SLC25A39: variants seen among roughly 807,000 people sequenced by gnomAD.
SLC25A39 encodes the protein solute carrier family 25 member 39.
SLC25A39 carries 44 observed loss-of-function variants against 46.6 expected under a neutral mutation model. The ratio of observed to expected loss-of-function variants is 0.94; its 90% CI spans 0.74 to 1.21. The LOEUF (loss-of-function observed/expected upper bound fraction) is 1.21. Among genes scored for constraint, SLC25A39 ranks in the 50% most tolerant of loss-of-function variants. SLC25A39 has a pLI of 0.00. For missense variants in SLC25A39, 487 were observed against 473.0 expected (o/e 1.03, Z -0.28); for synonymous variants, 218 against 190.6 (o/e 1.14, Z -1.19).
chr17:44,323,156 C>A (rs1032359405), intron 3 of SLC25A39, 128 bp downstream of exon 3: 7 of 1,150,584 alleles, frequency 6.1e-6, no homozygotes, highest in Non-Finnish European at 8.9e-6. Flanking sequence ...CTCCTGATCT[C>A]AGGTGATCCA....
In SLC25A39 at chr17:44,321,442, A is replaced by G. The variant is rs1362223551; in HGVS notation, c.509T>C (p.Leu170Pro). The G allele has an allele frequency of 6.2e-7, 1 of 1,613,156 alleles. No individual in the cohort carries two copies. Among genetic ancestry groups the G allele is most frequent in the South Asian group, 1.1e-5 (1 of 91,032 alleles). Residue 170 changes from leucine to proline, a missense_variant, in exon 7 of 12, where the codon CTG (leucine) becomes CCG (proline). Physicochemically the swap from Leu to Pro is moderately conservative, Grantham distance 98. Transcript: ENST00000377095. ...DLYAPMVAGA[L>P]ARLGTVTVIS... is the part of the protein sequence containing the mutation. ...CCCAAGACTATGCTCACGGCGGGCCAGCGCGCCAGCCACCATGGGTGCGTA... is the reference window on the plus strand; with the variant it reads ...CCCAAGACTATGCTCACGGCGGGCCGGCGCGCCAGCCACCATGGGTGCGTA...
At chr17:44,320,513 CTGGGAGGGACAAAGGCCTCA>C in intron 9 of SLC25A39, 77 bp from the exon 10 acceptor site, 1 of 1,594,636 alleles carries the variant, frequency 6.3e-7, no homozygotes, top group Non-Finnish European at 8.6e-7. Flanking sequence ...GCTCTTGCGG[CTGGGAGGGACAAAGGCCTCA>C]TGGGGTCTGC....
chr17:44,324,119 G>A (rs1246039646), intron 1 of SLC25A39: 2 of 159,808 alleles, frequency 1.3e-5, no homozygotes, highest in East Asian at 1.9e-4. Context: ...AAGGAAGCTA[G>A]GGTGCCAGAC....
At chr17:44,323,438 CATCCCCA>C in intron 2 of SLC25A39, 33 bp downstream of exon 2, 6 of 1,257,666 alleles carry the variant, frequency 4.8e-6, no homozygotes, top group Non-Finnish European at 6.6e-6. Context: ...CGGTCTGCCC[CATCCCCA>C]CCCGCCCCCA....
Position 44,322,839 on chromosome 17 carries a change from G to C in SLC25A39, c.159C>G (p.Ser53=), listed in dbSNP as rs746767242. Reference sequence around the variant, plus strand: ...TATAGGAGAGGCTCCACAGTCTGGAGGAAGGCATCAGCTCTAAAATACAAG... The same window carrying C: ...TATAGGAGAGGCTCCACAGTCTGGACGAAGGCATCAGCTCTAAAATACAAG... ...RPSMASELMP[S]SRLWSLSYTK... Residue 53 remains serine (S), a synonymous_variant, in exon 4 of 12, where the codon TCC becomes TCG. Coordinates refer to ENST00000377095, the MANE Select transcript of SLC25A39 (RefSeq NM_001143780.3). The C allele has an allele frequency of 1.9e-6, 3 of 1,613,942 alleles. No homozygotes were observed. In the African/African-American group the frequency reaches 4.0e-5, roughly 22 times the overall value.
rs922105374 is a variant in SLC25A39 at position 44,320,072 on chromosome 17, T to C, written c.1009A>G (p.Met337Val). 5.0e-6 allele frequency: 8 copies of C among 1,613,964 alleles called. No homozygotes were observed. The South Asian group carries it at 6.6e-5, about 13-fold the overall frequency. The part of the protein sequence containing the change: ...IIKAAPSCAI[M>V]ISTYEFGKSF... ...TTGCCGAACTCATAGGTGCTGATCA[T>C]GATGGCACAGGAGGGGGCAGCCTTG... Residue 337 changes from methionine (M) to valine (V), a missense_variant, in exon 12 of 12, where the codon ATG becomes GTG. Coordinates refer to ENST00000377095, the MANE Select transcript of SLC25A39 (RefSeq NM_001143780.3).
intron 5 of SLC25A39, among the ~76,000 whole-genome samples, 183 bp downstream of exon 5, chr17:44,322,236 G>A (rs1030684431): frequency 3.3e-5 from 5 of 152,098 alleles, no homozygotes; most frequent in African/African-American, 4.8e-5. Context: ...GTGACAGAGC[G>A]AGACTCTGTC....
chr17:44,323,368 G>C, intron 2 of SLC25A39, 25 bp from the exon 3 acceptor site: 1 of 1,605,510 alleles, frequency 6.2e-7, no homozygotes, highest in Non-Finnish European at 8.5e-7. Flanking sequence ...GGGTCTGAAG[G>C]CTCCTTTCAG....
rs1385488972 is a variant in SLC25A39 at position 44,321,777 on chromosome 17, C to G, written c.325-10G>C. ...TCTTCACGAAGGCATCCTGGCCAAGCAGGCACCAGCCCAGGGGAAGAGGAG... is the reference window on the plus strand; with the variant it reads ...TCTTCACGAAGGCATCCTGGCCAAGGAGGCACCAGCCCAGGGGAAGAGGAG... On this transcript the variant is annotated splice_polypyrimidine_tract_variant and intron_variant, in intron 5 of 11. Transcript: ENST00000377095. 6.2e-7 allele frequency: 1 copy of G among 1,609,252 alleles called. No individual in the cohort carries two copies. The highest frequency in any genetic ancestry group is 1.1e-5 in the South Asian group (1 of 90,630).
At position 44,319,811 on chromosome 17, in the gene SLC25A39, C is replaced by T; in HGVS notation, c.*190G>A. 1 of 586,710 alleles carries T rather than the reference C, an allele frequency of 1.7e-6. No individual in the cohort carries two copies. The highest frequency in any genetic ancestry group is 2.0e-5 in the South Asian group (1 of 50,352). 36.3% of individuals were successfully genotyped at this position (586,710 alleles called of 1,614,324 possible). A position where few individuals can be genotyped will look rare whatever the true frequency, so the allele number is the denominator to read the frequency against. On this transcript the variant is annotated 3_prime_UTR_variant, in exon 12 of 12. Coordinates refer to ENST00000377095, the MANE Select transcript of SLC25A39 (RefSeq NM_001143780.3). ...TAAGTGATGATCCCCACGACTGGAG[C>T]AGCAGGAAGAAGTTGTGTCTGAGGA...
Position 44,319,669 on chromosome 17 carries a change from G to T in SLC25A39, c.*332C>A. The T allele has an allele frequency of 2.8e-6, 1 of 351,070 alleles. No individual in the cohort carries two copies. Among genetic ancestry groups the T allele is most frequent in the Non-Finnish European group, 5.5e-6 (1 of 183,036 alleles). 21.7% of individuals were successfully genotyped at this position (351,070 alleles called of 1,614,324 possible). On this transcript the variant is annotated 3_prime_UTR_variant, in exon 12 of 12. Coordinates refer to ENST00000377095, the MANE Select transcript of SLC25A39 (RefSeq NM_001143780.3). ...AGACTTAAGGAATTAACAAGGGTCA[G>T]GGAGACTACACCAGGCTGAGGGCTT...
chr17:44,320,150 G>A, intron 11 of SLC25A39, 34 bp from the exon 12 acceptor site: 1 of 1,613,892 alleles, frequency 6.2e-7, no homozygotes, highest in Middle Eastern at 1.6e-4. Flanking sequence ...TCAGGGGTCA[G>A]GTCGCAGGTC....
intron 5 of SLC25A39, 113 bp downstream of exon 5, chr17:44,322,306 A>T (rs1215528887): frequency 3.4e-6 from 4 of 1,192,690 alleles, no homozygotes; most frequent in African/African-American, 1.5e-5. Context: ...TCCTGACGGA[A>T]CCGGCTACCT....
In SLC25A39 at chr17:44,320,131, A is replaced by G; in HGVS notation, c.965-15T>C. The stretch of plus-strand genomic sequence containing the variant: ...AGGAAGGAAGCCTGCAGTGGAAAGG[A>G]GGCCCGTGTCAGGGGTCAGGTCGCA... On this transcript the variant is annotated splice_polypyrimidine_tract_variant and intron_variant, in intron 11 of 11. Transcript: ENST00000377095. 6.2e-7 allele frequency: 1 copy of G among 1,613,958 alleles called. No individual in the cohort carries two copies. Among genetic ancestry groups the G allele is most frequent in the Non-Finnish European group, 8.5e-7 (1 of 1,179,962 alleles).
chr17:44,322,280 C>T, intron 5 of SLC25A39, 139 bp downstream of exon 5: 3 of 870,730 alleles, frequency 3.4e-6, no homozygotes, highest in Non-Finnish European at 5.4e-6. Context: ...GAGGTACTGC[C>T]TTCTCCGGAA....
At chr17:44,323,067 C>T (rs1037790551) in intron 3 of SLC25A39, among the ~76,000 whole-genome samples, 2 of 152,132 alleles carry the variant, frequency 1.3e-5, no homozygotes, top group Admixed American at 6.5e-5. Context: ...GGACTACAGG[C>T]GCATGCCACC....
intron 2 of SLC25A39, 39 bp downstream of exon 2, chr17:44,323,439 A>ACACCC: frequency 3.9e-6 from 1 of 257,112 alleles, no homozygotes; most frequent in Non-Finnish European, 5.7e-6. Flanking sequence ...GGTCTGCCCC[A>ACACCC]TCCCCACCCG....
At position 44,321,490 on chromosome 17, in the gene SLC25A39, C is replaced by T; in HGVS notation, c.461G>A (p.Gly154Asp). ...AYDQLKAFLC[G>D]RALTSDLYAP... ...GTAGAGGTCAGAGGTCAGGGCTCGA[C>T]CACACAGGAAGGCCTTCAGTTGGTC... The change falls in exon 7 of 12, where the codon GGT (glycine) becomes GAT (aspartate). Residue 154 changes from glycine to aspartate, a missense_variant. Physicochemically the swap from Gly to Asp is moderately conservative, Grantham distance 94. Transcript: ENST00000377095. 1.2e-6 allele frequency: 2 copies of T among 1,614,076 alleles called. No homozygotes were observed. Among genetic ancestry groups the T allele is most frequent in the Non-Finnish European group, 1.7e-6 (2 of 1,180,010 alleles).
intron 2 of SLC25A39, 39 bp downstream of exon 2, chr17:44,323,439 A>AGACCCCCCCCCCC: frequency 1.2e-5 from 3 of 257,108 alleles, no homozygotes; most frequent in Non-Finnish European, 1.7e-5. Flanking sequence ...GGTCTGCCCC[A>AGACCCCCCCCCCC]TCCCCACCCG....
Sources: allele counts gnomAD v4.1 joint callset (sites outside exome capture counted in the v4.1 genomes callset), GRCh38; gene constraint gnomAD v4.1.1; transcripts MANE v1.5; gene names NCBI Gene and HGNC (gene_info 2026-07-23, HGNC 2026-07-21).